The following ZNF420 variants were observed in gnomAD, a reference collection of about 807,000 sequenced individuals.
The protein encoded by ZNF420 is zinc finger protein 420.
ZNF420 carries 31 observed loss-of-function variants against 44.7 expected under a neutral mutation model. That is an observed-to-expected ratio of 0.69 (90% CI 0.52 to 0.94). ZNF420 has a LOEUF of 0.94. Ranked by LOEUF, ZNF420 falls within the 40% of genes least tolerant of loss-of-function variation. The pLI, the probability that ZNF420 is intolerant of heterozygous loss-of-function variation, is 0.00. For missense variants in ZNF420, 681 were observed against 827.9 expected (o/e 0.82, Z 2.18); for synonymous variants, 245 against 267.4 (o/e 0.92, Z 0.82).
chr19:37,039,706 T>C (rs943201988), intron 1 of ZNF420, among the ~76,000 whole-genome samples: 4 of 151,698 alleles, frequency 2.6e-5, no homozygotes, highest in African/African-American at 9.7e-5. Context: ...TCTTTCTTTT[T>C]TTTTTTTTTT....
In ZNF420 at chr19:37,049,401, C is replaced by T. The variant is rs7508372; in HGVS notation, c.-124-30944C>T. Among the ~76,000 whole-genome samples, 530 of 152,244 alleles carry T rather than the reference C, an allele frequency of 3.5e-3. 3 individuals carry two copies. The highest frequency in any genetic ancestry group is 0.012 in the African/African-American group (500 of 41,548). On this transcript the variant is annotated intron_variant, in intron 1 of 4. Coordinates refer to the ZNF420 transcript ENST00000587029. Reference sequence around the variant, plus strand: ...TGTTGTTTCCTGACTTATTAATGACCGCCATTCTAACTGGTGTGAGATTGT... The same window carrying T: ...TGTTGTTTCCTGACTTATTAATGACTGCCATTCTAACTGGTGTGAGATTGT...
intron 1 of ZNF420, among the ~76,000 whole-genome samples, chr19:37,022,634 T>G (rs2074658037): frequency 6.6e-6 from 1 of 152,144 alleles, no homozygotes; most frequent in East Asian, 1.9e-4. Flanking sequence ...GCACCCATAA[T>G]GATATCACAA....
chr19:37,126,396 C>T (rs750906869), intron 4 of ZNF420, among the ~76,000 whole-genome samples: 2 of 151,900 alleles, frequency 1.3e-5, no homozygotes, highest in Non-Finnish European at 2.9e-5. Context: ...AAATAAGGAG[C>T]GAAGCTGAGA....
chr19:37,074,595 C>T (rs1236934742), upstream of ZNF420, among the ~76,000 whole-genome samples: 1 of 152,124 alleles, frequency 6.6e-6, no homozygotes, highest in Non-Finnish European at 1.5e-5. Context: ...ATTTGGGAAA[C>T]ACTAGGGCAA....
At chr19:37,042,057 T>C (rs1180800174) in intron 1 of ZNF420, among the ~76,000 whole-genome samples, 1 of 152,260 alleles carries the variant, frequency 6.6e-6, no homozygotes, top group Non-Finnish European at 1.5e-5. Context: ...TGGAGTGCTG[T>C]GGCGTGATCT....
At chr19:37,043,197 T>C (rs1325924443) in intron 1 of ZNF420, among the ~76,000 whole-genome samples, 2 of 152,252 alleles carry the variant, frequency 1.3e-5, no homozygotes, top group Non-Finnish European at 2.9e-5. Flanking sequence ...CACATGATGA[T>C]AGAAACGTGG....
chr19:37,112,842 T>A (rs1970452893), intron 4 of ZNF420, among the ~76,000 whole-genome samples: 1 of 152,318 alleles, frequency 6.6e-6, no homozygotes, highest in Middle Eastern at 3.4e-3. Context: ...TTAGACTCGA[T>A]CTTCCTGAGA....
At chr19:37,020,032 C>T (rs1297178295) in intron 1 of ZNF420, among the ~76,000 whole-genome samples, 1 of 151,696 alleles carries the variant, frequency 6.6e-6, no homozygotes, top group East Asian at 2.0e-4. Context: ...CCTGGCTAAC[C>T]CGGTGAAACC....
intron 4 of ZNF420, among the ~76,000 whole-genome samples, chr19:37,096,899 A>T (rs113182114): frequency 0.019 from 2,813 of 148,168 alleles, 74 homozygotes; most frequent in East Asian, 0.05. Flanking sequence ...GTTTTTTCTT[A>T]TTCTTTTTTT....
chr19:37,099,014 T>C (rs1490447725), intron 4 of ZNF420, among the ~76,000 whole-genome samples: 1 of 152,232 alleles, frequency 6.6e-6, no homozygotes, highest in Non-Finnish European at 1.5e-5. Flanking sequence ...CAGGATTTTA[T>C]TCATTTTTAT....
At chr19:37,008,780 C>T (rs1032860940) in intron 1 of ZNF420, among the ~76,000 whole-genome samples, 3 of 152,236 alleles carry the variant, frequency 2.0e-5, no homozygotes, top group African/African-American at 7.2e-5. Flanking sequence ...GGCCTCTGCT[C>T]TGTCCTCCCT....
At chr19:37,029,995 TC>T (rs925014385) in intron 1 of ZNF420, among the ~76,000 whole-genome samples, 4 of 152,320 alleles carry the variant, frequency 2.6e-5, no homozygotes, top group East Asian at 1.9e-4. Flanking sequence ...TTAGCATGAA[TC>T]CCATATACAG....
chr19:37,053,746 C>T (rs1187840284), intron 1 of ZNF420, among the ~76,000 whole-genome samples: 6 of 151,782 alleles, frequency 4.0e-5, no homozygotes, highest in East Asian at 2.0e-4. Flanking sequence ...AGTACCTGGC[C>T]GTGTGAGGTG....
chr19:37,087,601 C>G (rs1390058114), intron 2 of ZNF420, among the ~76,000 whole-genome samples: 1 of 152,098 alleles, frequency 6.6e-6, no homozygotes, highest in Non-Finnish European at 1.5e-5. Context: ...TATCTAGGTA[C>G]TGTTGAATGT....
At chr19:37,020,275 A>G (rs1417000482) in intron 1 of ZNF420, among the ~76,000 whole-genome samples, 7 of 152,068 alleles carry the variant, frequency 4.6e-5, no homozygotes, top group African/African-American at 1.7e-4. Flanking sequence ...ATCCAGCCCA[A>G]AAACACAACA....
At chr19:37,118,347 G>A (rs1210260786) in intron 4 of ZNF420, among the ~76,000 whole-genome samples, 1 of 152,130 alleles carries the variant, frequency 6.6e-6, no homozygotes, top group Non-Finnish European at 1.5e-5. Context: ...TTCCAACCCA[G>A]AATTTCATAT....
At chr19:37,020,532 A>G (rs1599597197) in intron 1 of ZNF420, among the ~76,000 whole-genome samples, 1 of 152,302 alleles carries the variant, frequency 6.6e-6, no homozygotes, top group South Asian at 2.1e-4. Flanking sequence ...TATTTTCCCA[A>G]ATAAACCTGT....
intron 1 of ZNF420, among the ~76,000 whole-genome samples, chr19:37,068,318 C>T (rs1968002700): frequency 1.3e-5 from 2 of 152,036 alleles, no homozygotes; most frequent in African/African-American, 4.8e-5. Context: ...GTTACATATA[C>T]ATCACATCAC....
intron 4 of ZNF420, among the ~76,000 whole-genome samples, chr19:37,107,966 C>G (rs1361294858): frequency 6.6e-6 from 1 of 152,096 alleles, no homozygotes; most frequent in Non-Finnish European, 1.5e-5. Context: ...TTATAAACTC[C>G]AGGTGTAATA....
Sources: allele counts gnomAD v4.1 joint callset (sites outside exome capture counted in the v4.1 genomes callset), GRCh38; gene constraint gnomAD v4.1.1; transcripts MANE v1.5; gene names NCBI Gene and HGNC (gene_info 2026-07-23, HGNC 2026-07-21).